The following PRIM2 variants were observed in gnomAD, a reference collection of about 807,000 sequenced individuals.
PRIM2 encodes DNA primase large subunit.
In PRIM2, 39 loss-of-function variants were observed where a neutral mutation model predicts 67.3. The ratio of observed to expected loss-of-function variants is 0.58; its 90% CI spans 0.45 to 0.76. PRIM2 has a LOEUF of 0.76. PRIM2 is among the 30% of genes least tolerant of loss of function. The pLI is 0.00. For synonymous variants in PRIM2, 143 were observed against 198.7 expected, an observed-to-expected ratio of 0.72 and a Z score of 2.36; for missense variants, 398 against 598.7, an observed-to-expected ratio of 0.66 and a Z score of 3.50.
the PRIM2 span, among the ~76,000 whole-genome samples, chr6:57,284,613 AC>A: frequency 6.2e-4 from 94 of 152,328 alleles, no homozygotes; most frequent in African/African-American, 2.2e-3. Flanking sequence ...TTAACCAGAA[AC>A]AACGCAAAAT....
chr6:57,317,216 A>G (rs1301167674), upstream of PRIM2, among the ~76,000 whole-genome samples: 1 of 152,184 alleles, frequency 6.6e-6, no homozygotes, highest in Non-Finnish European at 1.5e-5. Context: ...AAAAGATCCT[A>G]ATGCCTTTTT....
the PRIM2 span, among the ~76,000 whole-genome samples, chr6:57,292,877 G>T: frequency 2.6e-5 from 4 of 152,016 alleles, no homozygotes; most frequent in Non-Finnish European, 5.9e-5. Context: ...ACCTAAAACC[G>T]TAAAAACCCT....
the PRIM2 span, among the ~76,000 whole-genome samples, chr6:57,299,094 G>A: frequency 6.6e-6 from 1 of 151,774 alleles, no homozygotes; most frequent in Admixed American, 6.6e-5. Context: ...CTTTTTCTGT[G>A]TGTGTGTGTG....
intron 10 of PRIM2, among the ~76,000 whole-genome samples, chr6:57,591,715 A>G (rs1776284404): frequency 6.6e-6 from 1 of 152,190 alleles, no homozygotes; most frequent in South Asian, 2.1e-4. Context: ...CTTACACACT[A>G]CTGGCGAGAA....
At chr6:57,478,937 G>C (rs1333582859) in intron 7 of PRIM2, among the ~76,000 whole-genome samples, 1 of 152,142 alleles carries the variant, frequency 6.6e-6, no homozygotes, top group African/African-American at 2.4e-5. Context: ...ACCTGAGGTC[G>C]GGAGTTCGAG....
intron 10 of PRIM2, among the ~76,000 whole-genome samples, chr6:57,583,060 G>A (rs1451574790): frequency 0.093 from 13,874 of 149,066 alleles, 798 homozygotes; most frequent in African/African-American, 0.16. Flanking sequence ...TCCTTGCGAT[G>A]GTTTACTGAG....
chr6:57,510,766 C>CATA (rs1774348831), intron 8 of PRIM2, among the ~76,000 whole-genome samples: 1 of 152,098 alleles, frequency 6.6e-6, no homozygotes, highest in African/African-American at 2.4e-5. Context: ...CTTGTTATAA[C>CATA]GCCTTTCAAG....
At position 57,506,181 on chromosome 6, in the gene PRIM2, A is replaced by C. The variant is rs1216446049; in HGVS notation, c.694-1206A>C. Among the ~76,000 whole-genome samples the C allele has an allele frequency of 1.2e-3, 186 of 151,314 alleles. 5 individuals carry two copies. In the East Asian group the frequency reaches 0.016, roughly 13 times the overall value. ...ATACTGAAAGTCTTGATTGTGCTAA[A>C]ATTGTAGCAGATTAATTGTCTCACT... On this transcript the variant is annotated intron_variant, in intron 7 of 13. Coordinates refer to ENST00000615550, the MANE Select transcript of PRIM2 (RefSeq NM_000947.5).
Position 57,542,536 on chromosome 6 carries a change from A to T in PRIM2, c.1020+4911A>T, listed in dbSNP as rs1197530967. 1.8e-4 allele frequency among the ~76,000 whole-genome samples: 27 copies of T among 152,102 alleles called. 1 individual carries two copies. Among genetic ancestry groups the T allele is most frequent in the African/African-American group, 6.0e-4 (25 of 41,406 alleles). ...TCTTTTTTTTAACTTGTATGTTTAA[A>T]TTTTTTTATTATGGAATTTTTATTT... On this transcript the variant is annotated intron_variant, in intron 10 of 13. Coordinates refer to ENST00000615550, the MANE Select transcript of PRIM2 (RefSeq NM_000947.5).
chr6:57,317,557 A>AC (rs1331961665), upstream of PRIM2: 1 of 152,498 alleles, frequency 6.6e-6, no homozygotes, highest in East Asian at 1.9e-4. Flanking sequence ...CTCAGGCCAA[A>AC]CCCCCTCCTA....
the PRIM2 span, among the ~76,000 whole-genome samples, chr6:57,289,793 C>T: frequency 1.3e-5 from 2 of 152,200 alleles, no homozygotes; most frequent in Non-Finnish European, 2.9e-5. Flanking sequence ...CTTATAAGAG[C>T]TCCTGAAGGA....
At chr6:57,327,227 A>G (rs1042949288) in intron 5 of PRIM2, among the ~76,000 whole-genome samples, 1 of 152,142 alleles carries the variant, frequency 6.6e-6, no homozygotes, top group Non-Finnish European at 1.5e-5. Flanking sequence ...TTAGGTAGAT[A>G]TATGCCACAA....
intron 10 of PRIM2, among the ~76,000 whole-genome samples, chr6:57,554,619 A>G (rs1275456811): frequency 6.6e-6 from 1 of 152,180 alleles, no homozygotes; most frequent in African/African-American, 2.4e-5. Context: ...CAGGGATTCT[A>G]TCTTAAAGTT....
chr6:57,580,139 A>G lies in PRIM2; in HGVS notation c.1021-20954A>G, dbSNP rs1472079593. On this transcript the variant is annotated intron_variant, in intron 10 of 13. Transcript: ENST00000615550. ...GCAGTGGCTCATGCCTGTAATCTCA[A>G]TGAGGCTCAAAGGCCTCATGCCTTT... is the stretch of plus-strand genomic sequence containing the variant. Among the ~76,000 whole-genome samples the G allele has an allele frequency of 2.6e-5, 4 of 152,146 alleles. No individual in the cohort carries two copies. In the South Asian group the frequency reaches 8.3e-4, roughly 32 times the overall value.
At chr6:57,321,318 G>A (rs1336705915) in intron 3 of PRIM2, among the ~76,000 whole-genome samples, 3 of 152,168 alleles carry the variant, frequency 2.0e-5, no homozygotes, top group South Asian at 2.1e-4. Flanking sequence ...CTTGGAAGAC[G>A]TAGAGTTTAG....
intron 7 of PRIM2, among the ~76,000 whole-genome samples, chr6:57,398,543 G>A (rs2127353141): frequency 6.6e-6 from 1 of 152,250 alleles, no homozygotes; most frequent in South Asian, 2.1e-4. Flanking sequence ...TTTTGCATTT[G>A]CTGAGGATAT....
At chr6:57,551,297 G>C (rs1175430976) in intron 10 of PRIM2, among the ~76,000 whole-genome samples, 2 of 152,136 alleles carry the variant, frequency 1.3e-5, no homozygotes, top group African/African-American at 4.8e-5. Context: ...ATCAGGAAAG[G>C]GCTAGAGGGA....
At chr6:57,586,597 G>C (rs1407566580) in intron 10 of PRIM2, among the ~76,000 whole-genome samples, 2 of 152,226 alleles carry the variant, frequency 1.3e-5, no homozygotes, top group African/African-American at 4.8e-5. Context: ...GTATTTGTCT[G>C]GTTTAAAATG....
chr6:57,422,872 T>A (rs146224285), intron 7 of PRIM2, among the ~76,000 whole-genome samples: 349 of 152,304 alleles, frequency 2.3e-3, no homozygotes, highest in Non-Finnish European at 4.2e-3. Context: ...ACAAATGTAG[T>A]ATTTTGCAGG....
Sources: allele counts gnomAD v4.1 joint callset (sites outside exome capture counted in the v4.1 genomes callset), GRCh38; gene constraint gnomAD v4.1.1; transcripts MANE v1.5; gene names NCBI Gene and HGNC (gene_info 2026-07-23, HGNC 2026-07-21).